Variants in SV2C observed in about 807,000 individuals in gnomAD.
SV2C encodes solute carrier family 22 member B3.
A neutral mutation model predicts 79.7 loss-of-function variants in SV2C; 49 were observed. The ratio of observed to expected loss-of-function variants is 0.61; its 90% CI spans 0.49 to 0.78. The LOEUF (loss-of-function observed/expected upper bound fraction) is 0.78. Ranked by LOEUF, SV2C falls within the 30% of genes least tolerant of loss-of-function variation. The pLI is 0.00. For synonymous variants in SV2C, 334 were observed against 333.2 expected (o/e 1.00, Z -0.03); for missense variants, 833 against 912.9 (o/e 0.91, Z 1.13).
chr5:75,880,499 A>G, the SV2C span, among the ~76,000 whole-genome samples: 10 of 152,330 alleles, frequency 6.6e-5, no homozygotes, highest in Non-Finnish European at 1.5e-4. Flanking sequence ...TTTAAATTTC[A>G]AGATCCCTAA....
chr5:76,002,597 T>C, the SV2C span, among the ~76,000 whole-genome samples: 1 of 152,202 alleles, frequency 6.6e-6, no homozygotes, highest in Admixed American at 6.5e-5. Context: ...AAGTTGTTTA[T>C]ATACATTTTA....
chr5:76,173,910 C>G, intron 2 of SV2C: 1 of 1,591,820 alleles, frequency 6.3e-7, no homozygotes, highest in African/African-American at 1.3e-5. Context: ...TCTTGTAAAT[C>G]GTTAAATGTG....
chr5:76,028,072 C>T, the SV2C span, among the ~76,000 whole-genome samples: 12 of 152,142 alleles, frequency 7.9e-5, no homozygotes, highest in East Asian at 1.9e-4. Flanking sequence ...AAAATGTGGG[C>T]GCCTTGGACT....
chr5:76,014,046 C>G, the SV2C span, among the ~76,000 whole-genome samples: 225 of 151,270 alleles, frequency 1.5e-3, 1 homozygote, highest in Non-Finnish European at 2.6e-3. Flanking sequence ...CTTCTACCAG[C>G]TAAATGCCAC....
At position 76,188,927 on chromosome 5, in the gene SV2C, CAGCAG is replaced by C. The variant is rs1744009553; in HGVS notation, c.581-5991_581-5987del. ...GGTTCCAGGAGCAGGGACAACAGGG[CAGCAG>C]CTGTGAAAGCTTACACCTCAGTGAT... On this transcript the variant is annotated intron_variant, in intron 2 of 12. Transcript: ENST00000502798. Among the ~76,000 whole-genome samples the C allele has an allele frequency of 2.0e-5, 3 of 151,696 alleles. No individual in the cohort carries two copies. In the South Asian group the frequency reaches 6.3e-4, roughly 32 times the overall value.
chr5:76,198,959 G>C (rs13354762), intron 3 of SV2C, among the ~76,000 whole-genome samples: 1 of 152,182 alleles, frequency 6.6e-6, no homozygotes. Context: ...CCAGGAATTA[G>C]AGCCTGAAAA....
At chr5:75,921,577 G>T in the SV2C span, 1 of 957,320 alleles carries the variant, frequency 1.0e-6, no homozygotes, top group Non-Finnish European at 1.7e-6. Context: ...TGCGGCCCGT[G>T]AAGTTCCTGT....
At chr5:75,864,832 C>T in the SV2C span, among the ~76,000 whole-genome samples, 2 of 152,200 alleles carry the variant, frequency 1.3e-5, no homozygotes, top group Non-Finnish European at 2.9e-5. Flanking sequence ...AGATTTAACA[C>T]CAAGAAAAAA....
rs1393894373 is a variant in SV2C at position 76,226,452 on chromosome 5, A to G, written c.913+16565A>G. ...AGTTTGGCCAGATCTGATTTCCAAA[A>G]AAAAGGCAAAATTCTGGATATTTAT... On this transcript the variant is annotated intron_variant, in intron 4 of 12. Coordinates refer to ENST00000502798, the MANE Select transcript of SV2C (RefSeq NM_014979.4). Among the ~76,000 whole-genome samples, 3 of 152,308 alleles carry G rather than the reference A, an allele frequency of 2.0e-5. No individual in the cohort carries two copies. In the East Asian group the frequency reaches 5.8e-4, roughly 29 times the overall value.
the SV2C span, among the ~76,000 whole-genome samples, chr5:75,849,926 C>A: frequency 6.6e-6 from 1 of 151,956 alleles, no homozygotes; most frequent in South Asian, 2.1e-4. Context: ...AAATAAGAAA[C>A]CTTTAAAATC....
At chr5:76,294,985 C>T (rs1163777846) in intron 8 of SV2C, among the ~76,000 whole-genome samples, 3 of 152,116 alleles carry the variant, frequency 2.0e-5, no homozygotes, top group Admixed American at 6.5e-5. Context: ...GGGCTCTCAC[C>T]GTGCTTGGAT....
At chr5:76,029,075 A>G in the SV2C span, among the ~76,000 whole-genome samples, 7 of 152,350 alleles carry the variant, frequency 4.6e-5, no homozygotes, top group Admixed American at 2.0e-4. Flanking sequence ...GTCTTATAGA[A>G]CAAGTGTTCT....
chr5:75,959,650 G>A, the SV2C span, among the ~76,000 whole-genome samples: 1 of 151,840 alleles, frequency 6.6e-6, no homozygotes, highest in Non-Finnish European at 1.5e-5. Context: ...GATAATTGGG[G>A]GAAATATCAA....
At chr5:75,924,593 T>C in the SV2C span, among the ~76,000 whole-genome samples, 1 of 152,170 alleles carries the variant, frequency 6.6e-6, no homozygotes, top group Non-Finnish European at 1.5e-5. Flanking sequence ...TATGCTGCCT[T>C]TCTTAAATAA....
intron 3 of SV2C, among the ~76,000 whole-genome samples, chr5:76,203,479 A>G (rs928518239): frequency 6.6e-6 from 1 of 152,218 alleles, no homozygotes; most frequent in Non-Finnish European, 1.5e-5. Context: ...TTTAGATGCT[A>G]TGGGAAGGCA....
At chr5:76,340,017 C>A (rs1180475447) in intron 12 of SV2C, among the ~76,000 whole-genome samples, 1 of 152,178 alleles carries the variant, frequency 6.6e-6, no homozygotes, top group Admixed American at 6.5e-5. Flanking sequence ...CTGGCCAAAA[C>A]CCACCAAAAC....
chr5:75,911,233 A>G, the SV2C span: 1 of 1,557,928 alleles, frequency 6.4e-7, no homozygotes. Flanking sequence ...TACCATTGGG[A>G]GTGGCAAGTC....
chr5:76,037,812 C>A, the SV2C span, among the ~76,000 whole-genome samples: 2 of 152,244 alleles, frequency 1.3e-5, no homozygotes, highest in African/African-American at 4.8e-5. Flanking sequence ...CCTAAGCAAG[C>A]CTGGGCAATG....
intron 2 of SV2C, among the ~76,000 whole-genome samples, chr5:76,170,247 G>A (rs1018971230): frequency 7.3e-6 from 1 of 137,640 alleles, no homozygotes; most frequent in Non-Finnish European, 1.5e-5. Flanking sequence ...AAGCAACAAG[G>A]CATTGTTAAA....
Sources: allele counts gnomAD v4.1 joint callset (sites outside exome capture counted in the v4.1 genomes callset), GRCh38; gene constraint gnomAD v4.1.1; transcripts MANE v1.5; gene names NCBI Gene and HGNC (gene_info 2026-07-23, HGNC 2026-07-21).